ARHGEF28: variants seen among roughly 807,000 people sequenced by gnomAD.
The protein encoded by ARHGEF28 is Rho guanine nucleotide exchange factor 28, also known as 190 kDa guanine nucleotide exchange factor.
In ARHGEF28, 152 loss-of-function variants were observed where a neutral mutation model predicts 206.6. The ratio of observed to expected loss-of-function variants is 0.74; its 90% CI spans 0.64 to 0.84. ARHGEF28 has a LOEUF of 0.84. Ranked by LOEUF, ARHGEF28 falls within the 40% of genes least tolerant of loss-of-function variation. The pLI, the probability that ARHGEF28 is intolerant of heterozygous loss-of-function variation, is 0.00. For missense variants in ARHGEF28, 2,028 were observed against 2,073.2 expected (o/e 0.98, Z 0.42); for synonymous variants, 763 against 776.4 (o/e 0.98, Z 0.29).
intron 1 of ARHGEF28, among the ~76,000 whole-genome samples, chr5:73,655,062 A>G (rs890086112): frequency 6.6e-6 from 1 of 152,250 alleles, no homozygotes; most frequent in Non-Finnish European, 1.5e-5. Context: ...ACAGTGGCCT[A>G]TTCACTTCAA....
intron 25 of ARHGEF28, 62 bp downstream of exon 25, chr5:73,886,166 A>T (rs1761281411): frequency 6.6e-7 from 1 of 1,520,814 alleles, no homozygotes. Context: ...AACAGAGGAC[A>T]GATTTTCAAA....
intron 1 of ARHGEF28, among the ~76,000 whole-genome samples, chr5:73,654,144 C>T (rs1580445161): frequency 6.6e-6 from 1 of 152,206 alleles, no homozygotes; most frequent in African/African-American, 2.4e-5. Context: ...TGCACTGGGG[C>T]AGGGAGAGGG....
chr5:73,653,900 A>G (rs1437632481), intron 1 of ARHGEF28, among the ~76,000 whole-genome samples: 5 of 152,226 alleles, frequency 3.3e-5, no homozygotes, highest in African/African-American at 4.8e-5. Flanking sequence ...TGTGGTATGC[A>G]GGGATACTCA....
rs550190521 is a variant in ARHGEF28, at chr5:73,783,458, T to C, written c.910+2713T>C. On this transcript the variant is annotated intron_variant, in intron 7 of 35. Coordinates refer to ENST00000513042, the MANE Select transcript of ARHGEF28 (RefSeq NM_001177693.2). The stretch of plus-strand genomic sequence containing the variant: ...AACATAGGCTTAAGAAGTAGGCAGA[T>C]TGGCATGGCTGTACGTGAAGCAAGT... Among the ~76,000 whole-genome samples, 3 of 151,700 alleles carry C rather than the reference T, an allele frequency of 2.0e-5. No homozygotes were observed. The East Asian group carries it at 5.8e-4, about 29-fold the overall frequency.
chr5:73,648,147 T>G (rs1381500755), intron 1 of ARHGEF28, among the ~76,000 whole-genome samples: 7 of 152,228 alleles, frequency 4.6e-5, no homozygotes. Flanking sequence ...TTACTTTGAT[T>G]CTATTTAGTA....
intron 31 of ARHGEF28, chr5:73,903,966 T>C (rs1762410001): frequency 5.8e-6 from 3 of 515,504 alleles, no homozygotes; most frequent in Middle Eastern, 5.1e-4. Flanking sequence ...CATCCCTTGT[T>C]GTTTTAAGGG....
At chr5:73,864,178 C>G (rs1759564885) in intron 16 of ARHGEF28, among the ~76,000 whole-genome samples, 1 of 152,182 alleles carries the variant, frequency 6.6e-6, no homozygotes. Flanking sequence ...AGGACAGCCT[C>G]AGTGTCTGTG....
chr5:73,765,850 G>A (rs184589308), intron 4 of ARHGEF28, among the ~76,000 whole-genome samples: 23 of 152,230 alleles, frequency 1.5e-4, no homozygotes, highest in South Asian at 6.2e-4. Flanking sequence ...AAAAAAATTA[G>A]TCTTCTAAAA....
chr5:73,939,037 T>C (rs753900332), intron 35 of ARHGEF28, among the ~76,000 whole-genome samples: 1 of 151,868 alleles, frequency 6.6e-6, no homozygotes, highest in Non-Finnish European at 1.5e-5. Context: ...GATCTCTTAA[T>C]TCAGAAAAGA....
At position 73,660,250 on chromosome 5, in the gene ARHGEF28, C is replaced by T. The variant is rs556723632; in HGVS notation, c.-11-24591C>T. ...ATATCAAGAAACCACTTTCTTTGCT[C>T]ATCCATAATAAGCAACTCTTCATCC... On this transcript the variant is annotated intron_variant, in intron 1 of 35. Coordinates refer to ENST00000513042, the MANE Select transcript of ARHGEF28 (RefSeq NM_001177693.2). 1.1e-3 allele frequency among the ~76,000 whole-genome samples: 175 copies of T among 152,310 alleles called. 4 individuals are homozygous for T. The South Asian group carries it at 0.035, about 30-fold the overall frequency.
At chr5:73,840,391 A>T in intron 10 of ARHGEF28, 89 bp from the exon 11 acceptor site, 3 of 1,396,134 alleles carry the variant, frequency 2.1e-6, no homozygotes, top group Non-Finnish European at 2.9e-6. Context: ...CCTGGCCAGA[A>T]GTTTTTAAAT....
chr5:73,894,988 C>T (rs1240179459), intron 29 of ARHGEF28, among the ~76,000 whole-genome samples: 1 of 151,796 alleles, frequency 6.6e-6, no homozygotes, highest in East Asian at 2.0e-4. Context: ...GCCTGAGGAG[C>T]AGGCAGGGGG....
chr5:73,633,689 G>A (rs146565890), intron 1 of ARHGEF28, among the ~76,000 whole-genome samples: 1,474 of 145,186 alleles, frequency 0.01, 31 homozygotes, highest in African/African-American at 0.035. Context: ...CAATTCTCCC[G>A]TCTCAGCCTC....
intron 4 of ARHGEF28, among the ~76,000 whole-genome samples, chr5:73,764,323 A>C (rs1752778523): frequency 6.6e-6 from 1 of 152,226 alleles, no homozygotes; most frequent in African/African-American, 2.4e-5. Context: ...TATATGCATA[A>C]TTTAGTTTGG....
chr5:73,715,973 G>T lies in ARHGEF28; in HGVS notation c.33+31089G>T, dbSNP rs1249732418. 2.0e-5 allele frequency among the ~76,000 whole-genome samples: 3 copies of T among 152,212 alleles called. No individual in the cohort carries two copies. The East Asian group carries it at 5.8e-4, about 29-fold the overall frequency. On this transcript the variant is annotated intron_variant, in intron 2 of 35. Coordinates refer to ENST00000513042, the MANE Select transcript of ARHGEF28 (RefSeq NM_001177693.2). ...TCAGCTACTGTCGTTCAGTTCAGCA[G>T]TTGCTCAAAGATGAGGCGTTATCAG...
intron 1 of ARHGEF28, among the ~76,000 whole-genome samples, chr5:73,646,712 A>G (rs555072982): frequency 6.6e-6 from 1 of 152,306 alleles, no homozygotes; most frequent in East Asian, 1.9e-4. Context: ...GCTCTTTAGG[A>G]ATCTTTCTTT....
chr5:73,735,572 C>T (rs866853724), intron 2 of ARHGEF28, among the ~76,000 whole-genome samples: 21 of 152,304 alleles, frequency 1.4e-4, no homozygotes, highest in South Asian at 6.2e-4. Context: ...AATTCCAGAG[C>T]AGCAGGGTAC....
intron 16 of ARHGEF28, among the ~76,000 whole-genome samples, chr5:73,859,489 C>T (rs1378130154): frequency 6.6e-6 from 1 of 152,214 alleles, no homozygotes; most frequent in African/African-American, 2.4e-5. Flanking sequence ...GATCAAAATA[C>T]AATCCACATA....
chr5:73,663,798 T>G (rs1052935015), intron 1 of ARHGEF28, among the ~76,000 whole-genome samples: 1 of 152,248 alleles, frequency 6.6e-6, no homozygotes, highest in Non-Finnish European at 1.5e-5. Context: ...AGTTCTTTTT[T>G]GTTTTAACTT....
Sources: allele counts gnomAD v4.1 joint callset (sites outside exome capture counted in the v4.1 genomes callset), GRCh38; gene constraint gnomAD v4.1.1; transcripts MANE v1.5; gene names NCBI Gene and HGNC (gene_info 2026-07-23, HGNC 2026-07-21).